The following FREM1 variants were observed in gnomAD, a reference collection of about 807,000 sequenced individuals.
The protein encoded by FREM1 is FRAS1 related extracellular matrix 1.
FREM1 carries 220 observed loss-of-function variants against 210.1 expected under a neutral mutation model. The ratio of observed to expected loss-of-function variants is 1.05; its 90% CI spans 0.94 to 1.17. The LOEUF (loss-of-function observed/expected upper bound fraction) is 1.17, where lower values mean the gene tolerates loss of function less well. Ranked by LOEUF, FREM1 falls within the 50% of genes most tolerant of loss-of-function variation. The pLI is 0.00. For missense variants in FREM1, 3,454 were observed against 2,675.5 expected (o/e 1.29, Z -6.42); for synonymous variants, 1,189 against 980.2 (o/e 1.21, Z -3.98).
At chr9:14,748,913 T>C (rs988204190) in intron 30 of FREM1, among the ~76,000 whole-genome samples, 1 of 152,228 alleles carries the variant, frequency 6.6e-6, no homozygotes, top group Non-Finnish European at 1.5e-5. Context: ...GATTTTATTA[T>C]CATATCATAT....
intron 27 of FREM1, among the ~76,000 whole-genome samples, chr9:14,765,204 G>T (rs972487555): frequency 6.6e-6 from 1 of 152,156 alleles, no homozygotes; most frequent in African/African-American, 2.4e-5. Context: ...CATAGATGAT[G>T]CTATTAAACT....
chr9:14,859,484 T>C lies in FREM1; in HGVS notation c.330A>G (p.Arg110=). 1 of 1,610,552 alleles carries C rather than the reference T, an allele frequency of 6.2e-7. No homozygotes were observed. The highest frequency in any genetic ancestry group is 1.1e-5 in the South Asian group (1 of 90,550). Residue 110 remains arginine, a splice_region_variant and synonymous_variant, in exon 4 of 37, where the codon AGA becomes AGG. Coordinates refer to ENST00000380880, the MANE Select transcript of FREM1 (RefSeq NM_001379081.2). ...CTATGAAGGTATCTCTTTCAGTAAA[T>C]CTGTGGAGAACACAGGGCAAAAGCA... ...DEDTVKLRLY[R]FTERDTFIET... is the part of the protein sequence containing the mutation.
At chr9:14,790,731 T>C (rs539825104) in intron 22 of FREM1, 1 of 152,136 alleles carries the variant, frequency 6.6e-6, no homozygotes, top group South Asian at 2.1e-4. Context: ...AGGGCTGGAG[T>C]CCTGGTCCTT....
chr9:14,908,590 A>C (rs1357694397), intron 1 of FREM1, among the ~76,000 whole-genome samples: 1 of 152,184 alleles, frequency 6.6e-6, no homozygotes, highest in Non-Finnish European at 1.5e-5. Flanking sequence ...ACTGATTAAA[A>C]AGCCCTGGTT....
chr9:14,799,102 G>T (rs1446748891), intron 20 of FREM1, among the ~76,000 whole-genome samples: 2 of 152,130 alleles, frequency 1.3e-5, no homozygotes, highest in Non-Finnish European at 2.9e-5. Flanking sequence ...AACACAGGGA[G>T]ACCCTGTCTC....
chr9:14,850,770 A>T (rs1309328031), intron 6 of FREM1, among the ~76,000 whole-genome samples: 2 of 152,346 alleles, frequency 1.3e-5, no homozygotes, highest in East Asian at 1.9e-4. Context: ...AACAAAAGTC[A>T]TCTCTAACTT....
intron 24 of FREM1, among the ~76,000 whole-genome samples, chr9:14,776,462 T>C (rs1345646007): frequency 6.6e-6 from 1 of 152,254 alleles, no homozygotes. Context: ...AGGGAAATTC[T>C]GACAATCATA....
rs59181850 is a variant in FREM1, at chr9:14,867,200, T to C, written c.234+1544A>G. The stretch of plus-strand genomic sequence containing the variant: ...ACCCCAGTCCCTGTAGTTGGGTCTC[T>C]ATCACCCACTCCTGAGCTTATTTGT... On this transcript the variant is annotated intron_variant, in intron 2 of 36. Coordinates refer to ENST00000380880, the MANE Select transcript of FREM1 (RefSeq NM_001379081.2). Among the ~76,000 whole-genome samples the C allele has an allele frequency of 3.4e-3, 512 of 152,296 alleles. 2 individuals carry two copies. The highest frequency in any genetic ancestry group is 0.017 in the Middle Eastern group (5 of 294).
intron 1 of FREM1, among the ~76,000 whole-genome samples, chr9:14,883,854 C>T (rs913578932): frequency 2.6e-5 from 4 of 152,280 alleles, no homozygotes; most frequent in East Asian, 3.9e-4. Flanking sequence ...CCCTCAGGGT[C>T]GGCAGAATTA....
chr9:14,814,648 C>T (rs987074072), intron 15 of FREM1, among the ~76,000 whole-genome samples: 3 of 152,198 alleles, frequency 2.0e-5, no homozygotes, highest in African/African-American at 4.8e-5. Context: ...TTAAGACCTT[C>T]TCCAGTATTG....
intron 4 of FREM1, among the ~76,000 whole-genome samples, chr9:14,858,280 A>G (rs1284348642): frequency 1.3e-5 from 2 of 152,170 alleles, no homozygotes; most frequent in Non-Finnish European, 2.9e-5. Flanking sequence ...ACTGAAAACC[A>G]TAATTGTCTC....
chr9:14,859,200 CTGTG>C lies in FREM1; in HGVS notation c.610_613del (p.His204ValfsTer8). On this transcript the variant is annotated frameshift_variant, in exon 4 of 37. Coordinates refer to ENST00000380880, the MANE Select transcript of FREM1 (RefSeq NM_001379081.2). LOFTEE classifies it high-confidence loss of function. ...CATCATACGGGACTCTGGGAAAAAA[CTGTG>C]TGGCTGATCTCCACGAGGTTCTTCT... 6.3e-7 allele frequency: 1 copy of C among 1,586,670 alleles called. No homozygotes were observed. The highest frequency in any genetic ancestry group is 8.6e-7 in the Non-Finnish European group (1 of 1,166,840).
At chr9:14,747,492 A>T in intron 32 of FREM1, 64 bp from the exon 33 acceptor site, 1 of 1,502,274 alleles carries the variant, frequency 6.7e-7, no homozygotes, top group South Asian at 1.3e-5. Flanking sequence ...CAAACAAAAA[A>T]ATGAGCAATT....
rs74410292 is a variant in FREM1 at position 14,746,312 on chromosome 9, G to A, written c.6254+41C>T. ...TTCCATGAGCAAATAGAGAAATAGA[G>A]AAAAGAAAACACCAATCAAATGTGC... On this transcript the variant is annotated intron_variant, in intron 35 of 36. Transcript: ENST00000380880. 1,941 of 1,393,422 alleles carry A rather than the reference G, an allele frequency of 1.4e-3. 20 individuals are homozygous for A. In the African/African-American group the frequency reaches 0.024, roughly 17 times the overall value. The allele number at this position is 1,393,422 out of a possible 1,614,324, so 86.3% of individuals were successfully genotyped here.
intron 1 of FREM1, among the ~76,000 whole-genome samples, chr9:14,882,998 T>G (rs1023433086): frequency 6.6e-6 from 1 of 150,704 alleles, no homozygotes. Context: ...TTTTCTTAAT[T>G]ACAAACCCCC....
chr9:14,905,979 T>C (rs1240143695), intron 1 of FREM1, among the ~76,000 whole-genome samples: 1 of 152,216 alleles, frequency 6.6e-6, no homozygotes, highest in Non-Finnish European at 1.5e-5. Context: ...GGTTGAGATC[T>C]GTTCTCCCCA....
At chr9:14,763,012 C>A (rs973085084) in intron 27 of FREM1, among the ~76,000 whole-genome samples, 4 of 152,180 alleles carry the variant, frequency 2.6e-5, no homozygotes, top group African/African-American at 7.2e-5. Context: ...TGGTTCATAT[C>A]TTCCCATTTT....
intron 25 of FREM1, among the ~76,000 whole-genome samples, chr9:14,774,408 G>A (rs1160140940): frequency 6.6e-6 from 1 of 152,038 alleles, no homozygotes; most frequent in Non-Finnish European, 1.5e-5. Flanking sequence ...AGATTGCAAC[G>A]TTAACTCCTG....
intron 35 of FREM1, among the ~76,000 whole-genome samples, chr9:14,741,320 AT>A (rs1285591642): frequency 6.6e-6 from 1 of 152,224 alleles, no homozygotes; most frequent in Admixed American, 6.5e-5. Context: ...CAGACTAGAT[AT>A]GGTGAACATA....
Sources: allele counts gnomAD v4.1 joint callset (sites outside exome capture counted in the v4.1 genomes callset), GRCh38; gene constraint gnomAD v4.1.1; transcripts MANE v1.5; gene names NCBI Gene and HGNC (gene_info 2026-07-23, HGNC 2026-07-21).